The following GLI3 variants were observed in gnomAD, a reference collection of about 807,000 sequenced individuals.
The protein encoded by GLI3 is GLI family zinc finger 3.
A neutral mutation model predicts 100.8 loss-of-function variants in GLI3; 20 were observed. That is an observed-to-expected ratio of 0.20 (90% CI 0.14 to 0.29). The LOEUF (loss-of-function observed/expected upper bound fraction) is 0.29. Ranked by LOEUF, GLI3 falls within the 10% of genes least tolerant of loss-of-function variation. The pLI, the probability that GLI3 is intolerant of heterozygous loss-of-function variation, is 1.00. For missense variants in GLI3, 2,040 were observed against 2,128.5 expected (o/e 0.96, Z 0.82); for synonymous variants, 938 against 860.5 (o/e 1.09, Z -1.58).
intron 6 of GLI3, among the ~76,000 whole-genome samples, chr7:42,042,788 TC>T (rs557931799): frequency 2.0e-5 from 3 of 152,306 alleles, no homozygotes; most frequent in African/African-American, 7.2e-5. Flanking sequence ...TCTGTGTTTT[TC>T]CCTCCAAGAC....
At chr7:42,160,568 T>C (rs28453282) in intron 2 of GLI3, among the ~76,000 whole-genome samples, 38,430 of 152,108 alleles carry the variant, frequency 0.25, 5,519 homozygotes, top group Non-Finnish European at 0.33. Flanking sequence ...TGGCATCACG[T>C]TGGTGCTCCC....
chr7:42,263,943 C>T, intron 1 of GLI3, among the ~76,000 whole-genome samples: 1 of 152,166 alleles, frequency 6.6e-6, no homozygotes, highest in Non-Finnish European at 1.5e-5. Context: ...GAGGTTATTG[C>T]TAACTTACCT....
chr7:42,108,714 C>A (rs1785634422), intron 3 of GLI3, among the ~76,000 whole-genome samples: 1 of 151,964 alleles, frequency 6.6e-6, no homozygotes, highest in Non-Finnish European at 1.5e-5. Context: ...ATAGATTCCA[C>A]AATTACAGAG....
Position 41,964,166 on chromosome 7 carries a change from C to A in GLI3, c.*164G>T. On this transcript the variant is annotated 3_prime_UTR_variant, in exon 15 of 15. Transcript: ENST00000395925. Reference sequence around the variant, plus strand: ...CTCCCTAGAATACTTTAGGGTTTTTCAGAGTCCTTTTCCATAAAAGGAATA... The same window carrying A: ...CTCCCTAGAATACTTTAGGGTTTTTAAGAGTCCTTTTCCATAAAAGGAATA... 1.7e-6 allele frequency: 1 copy of A among 575,062 alleles called. No individual in the cohort carries two copies. The highest frequency in any genetic ancestry group is 3.0e-5 in the Admixed American group (1 of 33,328). The allele number at this position is 575,062 out of a possible 1,614,324, so 35.6% of individuals were successfully genotyped here.
chr7:42,130,580 G>A (rs375481357), intron 3 of GLI3, among the ~76,000 whole-genome samples: 1 of 152,102 alleles, frequency 6.6e-6, no homozygotes, highest in African/African-American at 2.4e-5. Flanking sequence ...CCAGAGCACA[G>A]AACCAAAAGC....
chr7:42,228,949 A>C (rs1037421554), intron 1 of GLI3, among the ~76,000 whole-genome samples: 2 of 152,176 alleles, frequency 1.3e-5, no homozygotes, highest in Non-Finnish European at 2.9e-5. Context: ...AAGTGTGGGA[A>C]CGTGAGAAAA....
intron 1 of GLI3, among the ~76,000 whole-genome samples, chr7:42,261,718 G>A (rs1023850029): frequency 5.9e-5 from 9 of 152,194 alleles, no homozygotes; most frequent in African/African-American, 1.9e-4. Context: ...TGCAGGATGA[G>A]GCAGTGCCTG....
At position 42,249,189 on chromosome 7, in the gene GLI3, C is replaced by T. The variant is rs150247165; in HGVS notation, c.-43+14805G>A. ...TACAAACTTTTTATGTAAAAGACCA[C>T]AACTTTTCAGGCCATACAGTATCCA... On this transcript the variant is annotated intron_variant, in intron 1 of 2. Transcript: ENST00000678978. 3.3e-5 allele frequency among the ~76,000 whole-genome samples: 5 copies of T among 152,244 alleles called. No homozygotes were observed. The East Asian group carries it at 9.7e-4, about 29-fold the overall frequency.
chr7:42,104,515 C>T (rs1158074404), intron 3 of GLI3, among the ~76,000 whole-genome samples: 1 of 152,174 alleles, frequency 6.6e-6, no homozygotes, highest in East Asian at 1.9e-4. Flanking sequence ...AATCAATGAA[C>T]CACTCCTGAG....
rs901527458 is a variant in GLI3, at chr7:41,960,963, A to T, written c.*3367T>A. Reference sequence around the variant, plus strand: ...CCCAATAAAAATTTCCATACAAAGAATTTTTTATTGACATTGTAAGAAACA... The same window carrying T: ...CCCAATAAAAATTTCCATACAAAGATTTTTTTATTGACATTGTAAGAAACA... On this transcript the variant is annotated 3_prime_UTR_variant, in exon 15 of 15. Coordinates refer to ENST00000395925, the MANE Select transcript of GLI3 (RefSeq NM_000168.6). 4 of 152,490 alleles carry T rather than the reference A, an allele frequency of 2.6e-5. No homozygotes were observed. The highest frequency in any genetic ancestry group is 7.2e-5 in the African/African-American group (3 of 41,440). The allele number at this position is 152,490 out of a possible 1,614,324, so 9.4% of individuals were successfully genotyped here. A position where few individuals can be genotyped will look rare whatever the true frequency, so the allele number is the denominator to read the frequency against.
At chr7:42,211,145 T>C (rs910083480) in intron 2 of GLI3, among the ~76,000 whole-genome samples, 2 of 152,256 alleles carry the variant, frequency 1.3e-5, no homozygotes, top group Non-Finnish European at 2.9e-5. Flanking sequence ...TTTGAATTTA[T>C]GTGAAAAAGT....
At chr7:41,997,945 A>G (rs1180972949) in intron 10 of GLI3, among the ~76,000 whole-genome samples, 1 of 152,204 alleles carries the variant, frequency 6.6e-6, no homozygotes, top group African/African-American at 2.4e-5. Flanking sequence ...TTCTTGCTCT[A>G]CGTCAGAGGA....
At chr7:42,113,018 C>T (rs552951713) in intron 3 of GLI3, among the ~76,000 whole-genome samples, 3 of 152,146 alleles carry the variant, frequency 2.0e-5, no homozygotes, top group South Asian at 2.1e-4. Context: ...ACTAAAAATA[C>T]AAAAATTAGC....
intron 3 of GLI3, among the ~76,000 whole-genome samples, chr7:42,121,688 T>C (rs937109929): frequency 6.6e-6 from 1 of 152,192 alleles, no homozygotes; most frequent in East Asian, 1.9e-4. Flanking sequence ...TTTGTATGTC[T>C]GCTCTTCTTA....
chr7:42,055,061 A>G (rs1304172023), intron 4 of GLI3, among the ~76,000 whole-genome samples: 3 of 139,468 alleles, frequency 2.2e-5, no homozygotes, highest in Non-Finnish European at 4.6e-5. Context: ...ACACACACAT[A>G]TATGTATACA....
chr7:42,177,515 G>T (rs957847442), intron 2 of GLI3, among the ~76,000 whole-genome samples: 9 of 152,150 alleles, frequency 5.9e-5, no homozygotes, highest in African/African-American at 2.2e-4. Flanking sequence ...GGCAGCGTTG[G>T]TTTGTGAGCC....
At chr7:42,163,398 G>C (rs1787172343) in intron 2 of GLI3, among the ~76,000 whole-genome samples, 2 of 151,396 alleles carry the variant, frequency 1.3e-5, no homozygotes, top group African/African-American at 2.4e-5. Flanking sequence ...ATTCAACGCT[G>C]CCTCTATCTA....
At chr7:42,063,114 G>T (rs1213335074) in intron 4 of GLI3, among the ~76,000 whole-genome samples, 1 of 152,012 alleles carries the variant, frequency 6.6e-6, no homozygotes, top group African/African-American at 2.4e-5. Flanking sequence ...CTGAAGAAGT[G>T]CTCGTTTTTC....
chr7:42,230,869 C>T (rs1423224807), intron 1 of GLI3, among the ~76,000 whole-genome samples: 1 of 152,190 alleles, frequency 6.6e-6, no homozygotes, highest in African/African-American at 2.4e-5. Flanking sequence ...ACAGGCAATC[C>T]TTCTCAGACA....
Sources: allele counts gnomAD v4.1 joint callset (sites outside exome capture counted in the v4.1 genomes callset), GRCh38; gene constraint gnomAD v4.1.1; transcripts MANE v1.5; gene names NCBI Gene and HGNC (gene_info 2026-07-23, HGNC 2026-07-21).